FBN2: variants seen among roughly 807,000 people sequenced by gnomAD.
FBN2 encodes fibrillin-2.
In FBN2, 105 loss-of-function variants were observed where a neutral mutation model predicts 355.6. The observed-to-expected ratio is 0.30, with a 90% CI of 0.25 to 0.35. The LOEUF (loss-of-function observed/expected upper bound fraction) is 0.35, where lower values mean the gene tolerates loss of function less well. FBN2 is among the 10% of genes least tolerant of loss of function. The pLI is 1.00. For synonymous variants in FBN2, 1,350 were observed against 1,301.2 expected, an observed-to-expected ratio of 1.04 and a Z score of -0.81; for missense variants, 3,280 against 3,758.7, an observed-to-expected ratio of 0.87 and a Z score of 3.33.
At chr5:128,432,084 A>G (rs773016172) in intron 7 of FBN2, among the ~76,000 whole-genome samples, 3 of 152,192 alleles carry the variant, frequency 2.0e-5, no homozygotes, top group Non-Finnish European at 4.4e-5. Flanking sequence ...CTTCACCTCC[A>G]TACCTATTGA....
In FBN2 at chr5:128,304,953, T is replaced by C; in HGVS notation, c.5800+4A>G. ...CACTCCCTGGAGCCACATGCCCTTC[T>C]TACCCATGCACATGGTCTGGTCCTG... On this transcript the variant is annotated splice_donor_region_variant and intron_variant, in intron 45 of 64. Transcript: ENST00000262464. The C allele has an allele frequency of 1.9e-6, 3 of 1,613,988 alleles. No homozygotes were observed. In the South Asian group the frequency reaches 3.3e-5, roughly 18 times the overall value.
rs1749697117 is a variant in FBN2 at position 128,300,917 on chromosome 5, G to A, written c.6066C>T (p.Ala2022=). Residue 2022 remains alanine, a synonymous_variant, in exon 48 of 65, where the codon GCC becomes GCT. Transcript: ENST00000262464. ...KNCIDTNECV[A]LPGSCSPGTC... Reference sequence around the variant, plus strand: ...TACCAGGAGAGCAAGAGCCGGGAAGGGCGACACACTCATTAGTGTCTTTAG... The same window carrying A: ...TACCAGGAGAGCAAGAGCCGGGAAGAGCGACACACTCATTAGTGTCTTTAG... The A allele has an allele frequency of 6.2e-7, 1 of 1,613,562 alleles. No individual in the cohort carries two copies. The highest frequency in any genetic ancestry group is 1.7e-5 in the Admixed American group (1 of 60,000).
intron 2 of FBN2, among the ~76,000 whole-genome samples, chr5:128,532,044 C>T (rs998812898): frequency 1.3e-5 from 2 of 152,094 alleles, no homozygotes; most frequent in Non-Finnish European, 2.9e-5. Flanking sequence ...TATGCAAAAG[C>T]CTTCACAGGA....
chr5:128,502,280 T>C (rs1755838740), intron 5 of FBN2, among the ~76,000 whole-genome samples: 1 of 56,180 alleles, frequency 1.8e-5, no homozygotes, highest in Admixed American at 2.1e-4. Flanking sequence ...CTAAAACTTA[T>C]ACAGAACAAA....
At chr5:128,282,337 T>C (rs1274898189) in intron 55 of FBN2, among the ~76,000 whole-genome samples, 2 of 152,108 alleles carry the variant, frequency 1.3e-5, no homozygotes, top group African/African-American at 4.8e-5. Flanking sequence ...AATTAAAAAG[T>C]TTTTTTAGTT....
rs1226439930 is a variant in FBN2, at chr5:128,258,398, A to G, written c.*1057T>C. On this transcript the variant is annotated 3_prime_UTR_variant, in exon 65 of 65. Coordinates refer to ENST00000262464, the MANE Select transcript of FBN2 (RefSeq NM_001999.4). The stretch of plus-strand genomic sequence containing the variant: ...AAAAAAAAATGGGTTTAAAACAACA[A>G]CAACAACATATATTCCTTGGCTGCA... 3.3e-5 allele frequency: 5 copies of G among 152,646 alleles called. No homozygotes were observed. Among genetic ancestry groups the G allele is most frequent in the Admixed American group, 2.6e-4 (4 of 15,288 alleles). 9.5% of individuals were successfully genotyped at this position (152,646 alleles called of 1,614,324 possible).
intron 7 of FBN2, among the ~76,000 whole-genome samples, chr5:128,413,858 T>A (rs899481687): frequency 6.6e-6 from 1 of 152,196 alleles, no homozygotes; most frequent in African/African-American, 2.4e-5. Flanking sequence ...ATATTCTGTA[T>A]AATATCTTTT....
intron 11 of FBN2, among the ~76,000 whole-genome samples, chr5:128,386,976 T>C (rs574263270): frequency 2.0e-5 from 3 of 152,200 alleles, no homozygotes; most frequent in African/African-American, 7.2e-5. Context: ...AGGAAGGAGT[T>C]CCTCCTCTTC....
rs151001736 is a variant in FBN2, at chr5:128,320,955, TTTAA to T, written c.4472-1958_4472-1955del. 4.0e-3 allele frequency among the ~76,000 whole-genome samples: 604 copies of T among 152,282 alleles called. 4 individuals are homozygous for T. The highest frequency in any genetic ancestry group is 0.014 in the African/African-American group (569 of 41,564). On this transcript the variant is annotated intron_variant, in intron 34 of 64. Transcript: ENST00000262464. ...GTATCCTTCCAACTCCTTATTTTTATTTAATTATGTTCACTTTTTTAATGTCTAT... is the reference window on the plus strand; with the variant it reads ...GTATCCTTCCAACTCCTTATTTTTATTTATGTTCACTTTTTTAATGTCTAT...
chr5:128,365,310 G>C (rs1373182978), intron 17 of FBN2: 1 of 153,258 alleles, frequency 6.5e-6, no homozygotes, highest in East Asian at 1.9e-4. Flanking sequence ...CCGAGGGGCA[G>C]TGGAACTTGT....
At chr5:128,389,937 T>C (rs762500777) in intron 11 of FBN2, among the ~76,000 whole-genome samples, 39 of 152,252 alleles carry the variant, frequency 2.6e-4, no homozygotes, top group Non-Finnish European at 4.6e-4. Context: ...GTCTTCTTGA[T>C]GGTCTGATCT....
intron 6 of FBN2, among the ~76,000 whole-genome samples, chr5:128,447,721 A>G (rs905172193): frequency 2.0e-5 from 3 of 152,122 alleles, no homozygotes; most frequent in African/African-American, 7.2e-5. Context: ...CCCTTTGAAA[A>G]TCACTAATAA....
rs367787287 is a variant in FBN2, at chr5:128,357,317, G to A, written c.2633C>T (p.Ser878Leu). The A allele has an allele frequency of 4.3e-6, 7 of 1,613,776 alleles. No homozygotes were observed. Among genetic ancestry groups the A allele is most frequent in the African/African-American group, 2.7e-5 (2 of 74,914 alleles). ...NNLGSFNCEC[S>L]PGSKLSSTGL... ...TGTGGAGCTGAGTTTGCTGCCGGGC[G>A]AACATTCACAATTGAAAGATCCAAG... The change falls in exon 20 of 65, where the codon TCG becomes TTG. Residue 878 changes from serine (S) to leucine (L), a missense_variant. Coordinates refer to ENST00000262464, the MANE Select transcript of FBN2 (RefSeq NM_001999.4).
chr5:128,461,520 T>C (rs1754555728), intron 6 of FBN2, among the ~76,000 whole-genome samples: 1 of 152,216 alleles, frequency 6.6e-6, no homozygotes, highest in African/African-American at 2.4e-5. Context: ...CAATGAATTA[T>C]AAATCACTGT....
Position 128,335,490 on chromosome 5 carries a change from C to T in FBN2, c.3812G>A (p.Gly1271Asp). 6.2e-7 allele frequency: 1 copy of T among 1,614,208 alleles called. No individual in the cohort carries two copies. Among genetic ancestry groups the T allele is most frequent in the Non-Finnish European group, 8.5e-7 (1 of 1,180,026 alleles). The part of the protein sequence containing the change: ...EGSYECSCSE[G>D]YALMPDGRSC... The stretch of plus-strand genomic sequence containing the variant: ...TCTCCCATCTGGCATCAGGGCATAA[C>T]CCTCACTGCAGCTGCATTCGTAGCT... Residue 1271 changes from glycine (G) to aspartate (D), a missense_variant, in exon 29 of 65, where the codon GGT (glycine) becomes GAT (aspartate). Transcript: ENST00000262464.
intron 7 of FBN2, among the ~76,000 whole-genome samples, chr5:128,415,444 G>C (rs1037735985): frequency 6.6e-5 from 10 of 152,060 alleles, no homozygotes; most frequent in Non-Finnish European, 1.3e-4. Context: ...ATATGAGTGA[G>C]ACCATGAAAT....
intron 7 of FBN2, among the ~76,000 whole-genome samples, chr5:128,427,886 T>C (rs1753523263): frequency 6.6e-6 from 1 of 152,210 alleles, no homozygotes; most frequent in Non-Finnish European, 1.5e-5. Flanking sequence ...TTACCTGCAT[T>C]GGGCAGGTGA....
intron 6 of FBN2, among the ~76,000 whole-genome samples, chr5:128,460,394 T>C (rs1340992417): frequency 2.0e-5 from 3 of 152,100 alleles, no homozygotes; most frequent in East Asian, 3.8e-4. Context: ...TCCTCATGCA[T>C]AGGAAGAATC....
At chr5:128,497,768 T>C (rs1288261945) in intron 5 of FBN2, among the ~76,000 whole-genome samples, 1 of 152,120 alleles carries the variant, frequency 6.6e-6, no homozygotes, top group East Asian at 1.9e-4. Flanking sequence ...CTCCAAACAG[T>C]TTTAACTGAA....
Sources: gnomAD v4.1 joint callset for allele counts (sites outside exome capture counted in the v4.1 genomes callset) on GRCh38, gnomAD v4.1.1 for gene constraint, MANE v1.5 for transcripts, NCBI Gene and HGNC (gene_info 2026-07-23, HGNC 2026-07-21) for gene names.